The following SMC5 variants were observed in gnomAD, a reference collection of about 807,000 sequenced individuals.
SMC5 encodes the protein structural maintenance of chromosomes 5, also known as structural maintenance of chromosomes protein 5.
A neutral mutation model predicts 148.3 loss-of-function variants in SMC5; 88 were observed. That is an observed-to-expected ratio of 0.59 (90% CI 0.50 to 0.71). SMC5 has a LOEUF of 0.71. Among genes scored for constraint, SMC5 ranks in the 30% least tolerant of loss-of-function variants. The pLI is 0.00. For synonymous variants in SMC5, 421 were observed against 432.8 expected (o/e 0.97, Z 0.34); for missense variants, 1,142 against 1,298.9 (o/e 0.88, Z 1.86).
At chr9:70,279,406 G>A (rs947328491) in intron 5 of SMC5, among the ~76,000 whole-genome samples, 4 of 152,064 alleles carry the variant, frequency 2.6e-5, no homozygotes, top group African/African-American at 4.8e-5. Flanking sequence ...TGTACTTCCC[G>A]CACTTGGGAT....
At chr9:70,334,129 G>GTTTT (rs75387148) in intron 17 of SMC5, among the ~76,000 whole-genome samples, 4 of 133,998 alleles carry the variant, frequency 3.0e-5, no homozygotes, top group African/African-American at 5.4e-5. Flanking sequence ...AGTTGTTGTT[G>GTTTT]TTTTTTTTTT....
At chr9:70,320,489 G>T (rs553672895) in intron 15 of SMC5, among the ~76,000 whole-genome samples, 6 of 152,152 alleles carry the variant, frequency 3.9e-5, no homozygotes, top group Admixed American at 3.3e-4. Flanking sequence ...CTTTTTTCTT[G>T]TCATTATTCC....
Position 70,259,239 on chromosome 9 carries a change from T to G in SMC5, c.161T>G (p.Val54Gly). 1.3e-6 allele frequency: 2 copies of G among 1,595,824 alleles called. No individual in the cohort carries two copies. The highest frequency in any genetic ancestry group is 1.1e-5 in the South Asian group (1 of 88,342). ...SSGPFVEGSI[V>G]RISMENFLTY... ...GGGCCTTTCGTGGAAGGCTCTATCG[T>G]CCGCATCTCGATGGAGAACTTCCTG... Residue 54 changes from valine (V) to glycine (G), a missense_variant, in exon 1 of 25, where the codon GTC (valine) becomes GGC (glycine). Val to Gly is a moderately radical substitution (Grantham distance 109). This residue lies in a region of SMC5 where 297 missense variants were observed against 302.6 expected (regional missense o/e 0.98). Coordinates refer to ENST00000361138, the MANE Select transcript of SMC5 (RefSeq NM_015110.4).
intron 11 of SMC5, among the ~76,000 whole-genome samples, chr9:70,310,009 G>A (rs1212185904): frequency 6.6e-6 from 1 of 152,110 alleles, no homozygotes; most frequent in Non-Finnish European, 1.5e-5. Flanking sequence ...ACCATGCCCA[G>A]CTGATTTTTG....
rs926785961 is a variant in SMC5 at position 70,308,347 on chromosome 9, C to T, written c.1578+2987C>T. Among the ~76,000 whole-genome samples the T allele has an allele frequency of 2.8e-4, 42 of 151,918 alleles. No individual in the cohort carries two copies. The South Asian group carries it at 5.0e-3, about 18-fold the overall frequency. On this transcript the variant is annotated intron_variant, in intron 11 of 24. Transcript: ENST00000361138. Reference sequence around the variant, plus strand: ...GTGGCCGGGCGCGGTGGCTCACGCTCGTAATCCCAGCACTTTGGGAGGCTG... The same window carrying T: ...GTGGCCGGGCGCGGTGGCTCACGCTTGTAATCCCAGCACTTTGGGAGGCTG...
intron 8 of SMC5, among the ~76,000 whole-genome samples, chr9:70,295,009 G>T (rs1485935197): frequency 6.6e-6 from 1 of 152,110 alleles, no homozygotes; most frequent in Non-Finnish European, 1.5e-5. Context: ...AGGAACCAAA[G>T]TGGGGCTCAA....
At chr9:70,326,336 C>T (rs1049585093) in intron 17 of SMC5, among the ~76,000 whole-genome samples, 18 of 151,842 alleles carry the variant, frequency 1.2e-4, no homozygotes, top group Non-Finnish European at 1.9e-4. Context: ...TTCAAGTGAG[C>T]GAATTTTATG....
At chr9:70,304,266 A>T (rs1479938390) in intron 10 of SMC5, among the ~76,000 whole-genome samples, 1 of 151,990 alleles carries the variant, frequency 6.6e-6, no homozygotes, top group African/African-American at 2.4e-5. Flanking sequence ...TATTGTAGAG[A>T]CAGGGTCTCA....
intron 1 of SMC5, among the ~76,000 whole-genome samples, 182 bp downstream of exon 1, chr9:70,259,445 A>G (rs2034028895): frequency 6.6e-6 from 1 of 152,148 alleles, no homozygotes; most frequent in African/African-American, 2.4e-5. Flanking sequence ...GACGTGTATG[A>G]TGTAGGAGAT....
At position 70,278,497 on chromosome 9, in the gene SMC5, G is replaced by A. The variant is rs554703284; in HGVS notation, c.550G>A (p.Val184Ile). The stretch of plus-strand genomic sequence containing the variant: ...TTTAATTTTTGTGCTCTAGGACAAA[G>A]TTGGAGAATTTGCTAAACTCAGCAA... Reference protein sequence around the residue: ...NLCQFLPQDKVGEFAKLSKIE... With the variant: ...NLCQFLPQDKIGEFAKLSKIE... The change falls in exon 5 of 25, where the codon GTT becomes ATT. Residue 184 changes from valine (V) to isoleucine (I), a missense_variant. By Grantham distance (29) the Val-to-Ile change is conservative. Transcript: ENST00000361138. The A allele has an allele frequency of 3.1e-6, 5 of 1,605,106 alleles. No individual in the cohort carries two copies. The highest frequency in any genetic ancestry group is 1.3e-5 in the African/African-American group (1 of 74,350).
Position 70,333,132 on chromosome 9 carries a change from A to G in SMC5, c.2397+8989A>G, listed in dbSNP as rs182704442. 3.9e-5 allele frequency among the ~76,000 whole-genome samples: 6 copies of G among 152,328 alleles called. No individual in the cohort carries two copies. The East Asian group carries it at 1.2e-3, about 29-fold the overall frequency. On this transcript the variant is annotated intron_variant, in intron 17 of 24. Transcript: ENST00000361138. Reference sequence around the variant, plus strand: ...ATGTAAAAAAAAACCTCCAAACACAATCATCTTTATGGAAAATCTTAAGGA... The same window carrying G: ...ATGTAAAAAAAAACCTCCAAACACAGTCATCTTTATGGAAAATCTTAAGGA...
Position 70,280,883 on chromosome 9 carries a change from CAA to C in SMC5, c.807_808del (p.Arg270AlafsTer6), listed in dbSNP as rs1398807054. 6.2e-7 allele frequency: 1 copy of C among 1,613,212 alleles called. No individual in the cohort carries two copies. The highest frequency in any genetic ancestry group is 1.3e-5 in the African/African-American group (1 of 74,898). ...TTAGATTTAATTGAGATGCTTGAAG[CAA>C]AAAGGCCATGGGTGGTAAGTCATAA... On this transcript the variant is annotated frameshift_variant, in exon 6 of 25. Coordinates refer to ENST00000361138, the MANE Select transcript of SMC5 (RefSeq NM_015110.4). LOFTEE classifies it high-confidence loss of function.
chr9:70,341,178 T>C (rs544533322), intron 17 of SMC5, among the ~76,000 whole-genome samples: 12 of 152,310 alleles, frequency 7.9e-5, no homozygotes, highest in African/African-American at 2.9e-4. Flanking sequence ...ACAAGTGCCA[T>C]GTGAAGATCT....
intron 24 of SMC5, among the ~76,000 whole-genome samples, chr9:70,351,611 A>G (rs1230884274): frequency 6.6e-6 from 1 of 152,022 alleles, no homozygotes. Context: ...TGGAGGACAT[A>G]CTCTTTTCCA....
At position 70,298,095 on chromosome 9, in the gene SMC5, A is replaced by G. The variant is rs746647548; in HGVS notation, c.1183A>G (p.Asn395Asp). Reference sequence around the variant, plus strand: ...ACTAAAGACCACGGAAAACTGCGAGAATCTTCAGCCCCAGATTGATGCCAT... The same window carrying G: ...ACTAAAGACCACGGAAAACTGCGAGGATCTTCAGCCCCAGATTGATGCCAT... ...NELKTTENCE[N>D]LQPQIDAITN... is the part of the protein sequence containing the mutation. Residue 395 changes from asparagine to aspartate, a missense_variant, in exon 9 of 25, where the codon AAT (asparagine) becomes GAT (aspartate). Physicochemically the swap from Asn to Asp is conservative, Grantham distance 23 (BLOSUM62 1). Coordinates refer to ENST00000361138, the MANE Select transcript of SMC5 (RefSeq NM_015110.4). 30 of 1,613,994 alleles carry G rather than the reference A, an allele frequency of 1.9e-5. No individual in the cohort carries two copies. The highest frequency in any genetic ancestry group is 2.5e-5 in the Non-Finnish European group (30 of 1,179,972).
chr9:70,266,012 T>C (rs1587614630), intron 2 of SMC5, among the ~76,000 whole-genome samples: 1 of 152,108 alleles, frequency 6.6e-6, no homozygotes, highest in African/African-American at 2.4e-5. Context: ...ATGGACATAT[T>C]ATAAAAAGTG....
intron 1 of SMC5, among the ~76,000 whole-genome samples, chr9:70,264,010 A>G (rs2034208177): frequency 2.0e-5 from 3 of 152,226 alleles, no homozygotes; most frequent in African/African-American, 7.2e-5. Context: ...TATCTTTGAT[A>G]TAGTGTCCAG....
At position 70,298,015 on chromosome 9, in the gene SMC5, A is replaced by G. The variant is rs776132409; in HGVS notation, c.1103A>G (p.Asp368Gly). The change falls in exon 9 of 25, where the codon GAC (aspartate) becomes GGC (glycine). Residue 368 changes from aspartate to glycine, a missense_variant. Coordinates refer to ENST00000361138, the MANE Select transcript of SMC5 (RefSeq NM_015110.4). ...ALIVKQNEEL[D>G]RQRRIGNTRK... ...ATAGTAAAGCAAAATGAAGAGCTTGACCGACAGAGGAGAATAGGTAATACC... is the reference window on the plus strand; with the variant it reads ...ATAGTAAAGCAAAATGAAGAGCTTGGCCGACAGAGGAGAATAGGTAATACC... 7 of 1,613,852 alleles carry G rather than the reference A, an allele frequency of 4.3e-6. No homozygotes were observed. In the Admixed American group the frequency reaches 5.0e-5, roughly 12 times the overall value.
intron 7 of SMC5, among the ~76,000 whole-genome samples, chr9:70,284,172 C>G (rs1045020741): frequency 1.3e-5 from 2 of 152,134 alleles, no homozygotes; most frequent in Non-Finnish European, 2.9e-5. Flanking sequence ...GGGAAAAGCT[C>G]CACTATATCT....
Sources: gnomAD v4.1 joint callset for allele counts (sites outside exome capture counted in the v4.1 genomes callset) on GRCh38, gnomAD v4.1.1 for gene constraint, gnomAD v4.1.1 regional missense constraint, MANE v1.5 for transcripts, NCBI Gene and HGNC (gene_info 2026-07-23, HGNC 2026-07-21) for gene names.